Variants in SLCO3A1 observed in about 807,000 individuals in gnomAD.
SLCO3A1 encodes the protein PGE1 transporter.
Under a neutral mutation model 63.1 loss-of-function variants are expected in SLCO3A1, and 27 were observed. The observed-to-expected ratio is 0.43, with a 90% CI of 0.32 to 0.59. The LOEUF is 0.59. SLCO3A1 is among the 20% of genes least tolerant of loss of function. SLCO3A1 has a pLI of 0.09. For synonymous variants in SLCO3A1, 473 were observed against 409.9 expected (o/e 1.15, Z -1.86); for missense variants, 773 against 945.8 (o/e 0.82, Z 2.40).
At chr15:92,127,781 T>G (rs1180443501) in intron 6 of SLCO3A1, among the ~76,000 whole-genome samples, 1 of 152,134 alleles carries the variant, frequency 6.6e-6, no homozygotes, top group Admixed American at 6.5e-5. Context: ...AATTAGACAA[T>G]AATTATTGAA....
intron 2 of SLCO3A1, among the ~76,000 whole-genome samples, chr15:91,971,668 T>G (rs1338396204): frequency 1.3e-5 from 2 of 152,130 alleles, no homozygotes; most frequent in Non-Finnish European, 2.9e-5. Context: ...ATGAGCTCCA[T>G]GTTAATGAAT....
chr15:91,938,974 G>A (rs1341171929), intron 2 of SLCO3A1, among the ~76,000 whole-genome samples: 1 of 152,200 alleles, frequency 6.6e-6, no homozygotes, highest in Non-Finnish European at 1.5e-5. Context: ...CCCCCTCTGG[G>A]CTCATCTGGG....
intron 2 of SLCO3A1, among the ~76,000 whole-genome samples, chr15:91,971,574 A>G (rs778675448): frequency 1.3e-5 from 2 of 151,946 alleles, no homozygotes; most frequent in Admixed American, 6.6e-5. Context: ...GTTCCTAAGC[A>G]CAGGACACCT....
intron 6 of SLCO3A1, 47 bp from the exon 7 acceptor site, chr15:92,128,304 C>T (rs374115159): frequency 6.3e-5 from 102 of 1,611,636 alleles, no homozygotes; most frequent in Middle Eastern, 5.0e-4. Flanking sequence ...CATCTGATTC[C>T]GAATTGACCT....
At position 92,149,176 on chromosome 15, in the gene SLCO3A1, T is replaced by TAATC. The variant is rs1489953880; in HGVS notation, c.1689-1772_1689-1769dup. The stretch of plus-strand genomic sequence containing the variant: ...AACATGGAAAGTTTGTTGAAATTCT[T>TAATC]AATCACTTCCAGATCTCAGCTTGAT... On this transcript the variant is annotated intron_variant, in intron 8 of 9. Coordinates refer to ENST00000318445, the MANE Select transcript of SLCO3A1 (RefSeq NM_013272.4). 3.3e-5 allele frequency: 5 copies of TAATC among 152,394 alleles called. No individual in the cohort carries two copies. The East Asian group carries it at 7.7e-4, about 23-fold the overall frequency. 9.4% of individuals were successfully genotyped at this position (152,394 alleles called of 1,614,324 possible).
chr15:92,019,531 C>T (rs1005717273), intron 2 of SLCO3A1, among the ~76,000 whole-genome samples: 5 of 152,266 alleles, frequency 3.3e-5, no homozygotes, highest in Middle Eastern at 3.4e-3. Context: ...GTTTAAGGTA[C>T]GACACACGCT....
intron 1 of SLCO3A1, chr15:91,888,994 AG>A (rs1415881960): frequency 7.8e-6 from 3 of 384,750 alleles, no homozygotes; most frequent in Non-Finnish European, 1.3e-5. Context: ...GGGTAACAAG[AG>A]TGAGACTGTC....
intron 2 of SLCO3A1, among the ~76,000 whole-genome samples, chr15:92,002,241 G>C (rs1056034199): frequency 1.3e-5 from 2 of 152,188 alleles, no homozygotes; most frequent in South Asian, 4.1e-4. Context: ...TACCGCAGGT[G>C]TTAATTGTCC....
At chr15:91,988,035 G>C (rs2046076801) in intron 2 of SLCO3A1, among the ~76,000 whole-genome samples, 1 of 152,188 alleles carries the variant, frequency 6.6e-6, no homozygotes, top group East Asian at 1.9e-4. Flanking sequence ...TTTGTCACCT[G>C]ACAGATAATT....
At chr15:91,985,797 A>G (rs568800768) in intron 2 of SLCO3A1, among the ~76,000 whole-genome samples, 1 of 152,312 alleles carries the variant, frequency 6.6e-6, no homozygotes, top group African/African-American at 2.4e-5. Flanking sequence ...CTTGTCCTGC[A>G]GAAGGTGGCC....
At chr15:91,940,173 C>T (rs1185524078) in intron 2 of SLCO3A1, among the ~76,000 whole-genome samples, 2 of 152,194 alleles carry the variant, frequency 1.3e-5, no homozygotes, top group African/African-American at 4.8e-5. Flanking sequence ...GCAGCTCCTG[C>T]CTGGCATTGG....
chr15:92,148,857 T>G (rs74028832), intron 8 of SLCO3A1: 17,797 of 152,252 alleles, frequency 0.12, 1,246 homozygotes, highest in Admixed American at 0.21. Context: ...ATAATGAAAA[T>G]TCTTAAGAAT....
At chr15:91,997,063 C>T (rs2046200181) in intron 2 of SLCO3A1, among the ~76,000 whole-genome samples, 1 of 152,150 alleles carries the variant, frequency 6.6e-6, no homozygotes, top group Non-Finnish European at 1.5e-5. Flanking sequence ...GTCCAGCTGT[C>T]TCTCTTCACT....
chr15:92,004,114 G>A (rs998141562), intron 2 of SLCO3A1, among the ~76,000 whole-genome samples: 1 of 152,204 alleles, frequency 6.6e-6, no homozygotes, highest in Non-Finnish European at 1.5e-5. Context: ...AGGCTCTCTG[G>A]GGTAGGGCTT....
rs1248653232 is a variant in SLCO3A1 at position 91,859,384 on chromosome 15, G to A, written c.180+5296G>A. 6.6e-6 allele frequency among the ~76,000 whole-genome samples: 1 copy of A among 152,162 alleles called. No homozygotes were observed. The highest frequency in any genetic ancestry group is 2.4e-5 in the African/African-American group (1 of 41,444). On this transcript the variant is annotated intron_variant, in intron 1 of 9. Coordinates refer to ENST00000318445, the MANE Select transcript of SLCO3A1 (RefSeq NM_013272.4). The surrounding 1 kb of genome is among the most constrained non-coding windows in gnomAD (Gnocchi z 5.1). ...AAACAGGAAAAACAGTGGAATCATG[G>A]ACCTTGGCTCATAGGATAAATGAAT... is the stretch of plus-strand genomic sequence containing the variant.
At chr15:91,993,514 G>A (rs1015481144) in intron 2 of SLCO3A1, among the ~76,000 whole-genome samples, 13 of 152,164 alleles carry the variant, frequency 8.5e-5, no homozygotes, top group African/African-American at 2.9e-4. Flanking sequence ...GGGATGACAT[G>A]GGCATTTCCT....
chr15:92,165,040 A>T lies in SLCO3A1; in HGVS notation c.*1905A>T. Reference sequence around the variant, plus strand: ...AAGGCAAACAAAAGAATCAGGAAGTAAAAAATGGTTGGGAGTGGGACAGGT... The same window carrying T: ...AAGGCAAACAAAAGAATCAGGAAGTTAAAAATGGTTGGGAGTGGGACAGGT... On this transcript the variant is annotated 3_prime_UTR_variant, in exon 10 of 10. Transcript: ENST00000318445. 3.0e-6 allele frequency: 3 copies of T among 985,368 alleles called. No individual in the cohort carries two copies. The highest frequency in any genetic ancestry group is 1.7e-5 in the African/African-American group (1 of 57,378). The allele number at this position is 985,368 out of a possible 1,614,324, so 61.0% of individuals were successfully genotyped here.
At chr15:92,026,535 G>A (rs1318653795) in intron 2 of SLCO3A1, among the ~76,000 whole-genome samples, 1 of 152,154 alleles carries the variant, frequency 6.6e-6, no homozygotes, top group East Asian at 1.9e-4. Flanking sequence ...AGAGTCCACA[G>A]TAATTAAAAA....
In SLCO3A1 at chr15:92,130,673, C is replaced by T. The variant is rs549992987; in HGVS notation, c.1512+2184C>T. ...GCCTATTAAGGTCCAGGTAATGGGGCCTTCCGTGTGTCACTCGTGACCCAT... is the reference window on the plus strand; with the variant it reads ...GCCTATTAAGGTCCAGGTAATGGGGTCTTCCGTGTGTCACTCGTGACCCAT... On this transcript the variant is annotated intron_variant, in intron 7 of 9. Transcript: ENST00000318445. Among the ~76,000 whole-genome samples the T allele has an allele frequency of 1.1e-4, 17 of 152,220 alleles. No individual in the cohort carries two copies. In the South Asian group the frequency reaches 3.5e-3, roughly 32 times the overall value.
Sources: allele counts gnomAD v4.1 joint callset (sites outside exome capture counted in the v4.1 genomes callset), GRCh38; gene constraint gnomAD v4.1.1; non-coding constraint Gnocchi (gnomAD v3.1); transcripts MANE v1.5; gene names NCBI Gene and HGNC (gene_info 2026-07-23, HGNC 2026-07-21).